Variants in WNT3 observed in about 807,000 individuals in gnomAD.
The protein encoded by WNT3 is proto-oncogene Wnt-3.
In WNT3, 7 loss-of-function variants were observed where a neutral mutation model predicts 34.2. The observed-to-expected ratio is 0.20, with a 90% confidence interval of 0.12 to 0.38. The LOEUF (loss-of-function observed/expected upper bound fraction) is 0.38. Among genes scored for constraint, WNT3 ranks in the 10% least tolerant of loss-of-function variants. WNT3 has a pLI of 1.00. For missense variants in WNT3, 267 were observed against 499.8 expected (o/e 0.53, Z 4.44); for synonymous variants, 212 against 211.5 (o/e 1.00, Z -0.02).
intron 2 of WNT3, among the ~76,000 whole-genome samples, chr17:46,772,120 C>T (rs1281581434): frequency 6.6e-6 from 1 of 152,108 alleles, no homozygotes; most frequent in Non-Finnish European, 1.5e-5. Flanking sequence ...AACGTGGGGC[C>T]GGAGCTGGGC....
At position 46,779,103 on chromosome 17, in the gene WNT3, AC is replaced by A. The variant is rs3219936; in HGVS notation, c.81-5195del. Among the ~76,000 whole-genome samples, 38 of 133,664 alleles carry A rather than the reference AC, an allele frequency of 2.8e-4. 2 individuals carry two copies. Among genetic ancestry groups the A allele is most frequent in the African/African-American group, 1.0e-3 (37 of 36,390 alleles). The allele number at this position is 133,664 out of a possible 152,430, so 87.7% of individuals were successfully genotyped here. The stretch of plus-strand genomic sequence containing the variant: ...CACACACACACACACACACACACAC[AC>A]CCCAGCCCACTCGGCCTTCCAAAGG... On this transcript the variant is annotated intron_variant, in intron 1 of 4. Coordinates refer to ENST00000225512, the MANE Select transcript of WNT3 (RefSeq NM_030753.5).
intron 1 of WNT3, among the ~76,000 whole-genome samples, chr17:46,804,469 C>CCTT (rs1399982068): frequency 5.1e-4 from 77 of 152,184 alleles, no homozygotes; most frequent in Non-Finnish European, 9.7e-4. Flanking sequence ...AGACTCCCTG[C>CCTT]CCTATGGGGA....
intron 1 of WNT3, among the ~76,000 whole-genome samples, chr17:46,784,724 C>T (rs1196693286): frequency 1.3e-5 from 2 of 152,030 alleles, no homozygotes; most frequent in Admixed American, 6.6e-5. Context: ...CATACCTACA[C>T]AGAGGGAGCC....
At chr17:46,800,523 C>G (rs1019699187) in intron 1 of WNT3, among the ~76,000 whole-genome samples, 1 of 149,286 alleles carries the variant, frequency 6.7e-6, no homozygotes, top group Non-Finnish European at 1.5e-5. Flanking sequence ...CTGACTCTTA[C>G]ACTGGGAAGA....
Position 46,773,940 on chromosome 17 carries a change from G to A in WNT3, c.81-31C>T. ...GGCAGACAGAGGGTAGTAACACTGT[G>A]GGCACAAAGCACAGAGCCCATCCTG... On this transcript the variant is annotated intron_variant, in intron 1 of 4. Coordinates refer to ENST00000225512, the MANE Select transcript of WNT3 (RefSeq NM_030753.5). 3.1e-6 allele frequency: 5 copies of A among 1,605,780 alleles called. No individual in the cohort carries two copies. The South Asian group carries it at 4.4e-5, about 14-fold the overall frequency.
intron 1 of WNT3, among the ~76,000 whole-genome samples, chr17:46,793,691 G>C (rs1177774668): frequency 6.6e-6 from 1 of 152,248 alleles, no homozygotes; most frequent in Non-Finnish European, 1.5e-5. Context: ...AGCAGATGCT[G>C]ACAAATGTGG....
At chr17:46,769,529 C>T (rs993209317) in intron 3 of WNT3, among the ~76,000 whole-genome samples, 1 of 152,128 alleles carries the variant, frequency 6.6e-6, no homozygotes, top group South Asian at 2.1e-4. Flanking sequence ...TGGGTGGCAC[C>T]TGATCCCACG....
chr17:46,790,169 A>G (rs1417782342), intron 1 of WNT3, among the ~76,000 whole-genome samples: 2 of 151,922 alleles, frequency 1.3e-5, no homozygotes, highest in African/African-American at 4.8e-5. Context: ...CCTGCCACCC[A>G]TTCCTCCGCA....
At position 46,764,571 on chromosome 17, in the gene WNT3, T is replaced by G. The variant is rs1334987605; in HGVS notation, c.*59A>C. The G allele has an allele frequency of 2.0e-5, 3 of 152,386 alleles. No individual in the cohort carries two copies. Among genetic ancestry groups the G allele is most frequent in the East Asian group, 3.9e-4 (2 of 5,192 alleles). 9.4% of individuals were successfully genotyped at this position (152,386 alleles called of 1,614,324 possible). ...GCCCGGCTCTAGGTCCTGCTTCCCA[T>G]GAGACTTCGCTGAATCCGCCCAGCC... On this transcript the variant is annotated 3_prime_UTR_variant, in exon 5 of 5. Transcript: ENST00000225512.
intron 1 of WNT3, among the ~76,000 whole-genome samples, chr17:46,784,877 G>A (rs917124361): frequency 6.6e-6 from 1 of 150,410 alleles, no homozygotes; most frequent in Non-Finnish European, 1.5e-5. Context: ...CCGGGTTCAC[G>A]CCATTCTCCT....
chr17:46,813,554 GAGA>G (rs2084303387), intron 1 of WNT3, among the ~76,000 whole-genome samples: 1 of 152,064 alleles, frequency 6.6e-6, no homozygotes, highest in East Asian at 1.9e-4. Flanking sequence ...TTGGCAGCTG[GAGA>G]AGGTTTCTGT....
intron 1 of WNT3, among the ~76,000 whole-genome samples, chr17:46,779,196 C>A (rs1380536371): frequency 6.6e-6 from 1 of 152,104 alleles, no homozygotes; most frequent in Non-Finnish European, 1.5e-5. Context: ...AAAGGACGAG[C>A]CTGATGCCCC....
rs1349987904 is a variant in WNT3 at position 46,769,899 on chromosome 17, A to C, written c.472T>G (p.Cys158Gly). The C allele has an allele frequency of 6.2e-7, 1 of 1,613,542 alleles. No homozygotes were observed. The change falls in exon 3 of 5, where the codon TGC (cysteine) becomes GGC (glycine). Residue 158 changes from cysteine (C) to glycine (G), a missense_variant. Coordinates refer to ENST00000225512, the MANE Select transcript of WNT3 (RefSeq NM_030753.5). ...ACGCCGAAGTCAGCGTCCTCGCTGC[A>C]GCCGCCCCACTTCCAGCCTTCGCCA... The part of the protein sequence containing the change: ...PPGEGWKWGG[C>G]SEDADFGVLV...
intron 1 of WNT3, among the ~76,000 whole-genome samples, chr17:46,803,283 C>T (rs1427151996): frequency 1.3e-5 from 2 of 152,220 alleles, no homozygotes; most frequent in East Asian, 3.8e-4. Flanking sequence ...CCTGTAATCC[C>T]AGCACTTTCG....
chr17:46,765,073 G>C (rs935801822), intron 4 of WNT3, among the ~76,000 whole-genome samples: 2 of 152,240 alleles, frequency 1.3e-5, no homozygotes, highest in East Asian at 3.8e-4. Context: ...ACTTAATTAC[G>C]AACAATTCCT....
chr17:46,800,702 A>G (rs190941899), intron 1 of WNT3, among the ~76,000 whole-genome samples: 42 of 152,216 alleles, frequency 2.8e-4, no homozygotes, highest in Middle Eastern at 6.8e-3. Flanking sequence ...TCATCCCACA[A>G]CCTGTCTTTG....
At chr17:46,804,764 AAATGCACCAATCAGTGCTCTGTAAG>A (rs976018282) in intron 1 of WNT3, among the ~76,000 whole-genome samples, 1 of 152,194 alleles carries the variant, frequency 6.6e-6, no homozygotes, top group Non-Finnish European at 1.5e-5. Context: ...GAGGTTTGTA[AAATGCACCAATCAGTGCTCTGTAAG>A]AATGCACCAA....
intron 1 of WNT3, among the ~76,000 whole-genome samples, chr17:46,798,297 A>G (rs1355552409): frequency 6.6e-6 from 1 of 152,144 alleles, no homozygotes; most frequent in Non-Finnish European, 1.5e-5. Context: ...CTAGAGGGAG[A>G]TGGGGAATGG....
chr17:46,813,597 C>G (rs1266974903), intron 1 of WNT3, among the ~76,000 whole-genome samples: 1 of 151,894 alleles, frequency 6.6e-6, no homozygotes, highest in Non-Finnish European at 1.5e-5. Flanking sequence ...GGAAAAGGTT[C>G]TGCTCAACTC....
Sources: allele counts gnomAD v4.1 joint callset (sites outside exome capture counted in the v4.1 genomes callset), GRCh38; gene constraint gnomAD v4.1.1; transcripts MANE v1.5; gene names NCBI Gene and HGNC (gene_info 2026-07-23, HGNC 2026-07-21).